Variants in SCAMP1 observed in about 807,000 individuals in gnomAD.
SCAMP1 encodes secretory carrier membrane protein 1.
Under a neutral mutation model 41.8 loss-of-function variants are expected in SCAMP1, and 15 were observed. The observed-to-expected ratio is 0.36, with a 90% confidence interval of 0.24 to 0.55. The LOEUF (loss-of-function observed/expected upper bound fraction) is 0.55. Ranked by LOEUF, SCAMP1 falls within the 20% of genes least tolerant of loss-of-function variation. SCAMP1 has a pLI of 0.86. For missense variants in SCAMP1, 341 were observed against 412.6 expected (o/e 0.83, Z 1.50); for synonymous variants, 135 against 136.8 (o/e 0.99, Z 0.09).
At chr5:78,449,670 A>G (rs1753167825) in intron 6 of SCAMP1, among the ~76,000 whole-genome samples, 1 of 152,154 alleles carries the variant, frequency 6.6e-6, no homozygotes, top group African/African-American at 2.4e-5. Context: ...GTCAAGAGGG[A>G]TTGTGGTGCA....
intron 8 of SCAMP1, among the ~76,000 whole-genome samples, chr5:78,473,496 A>G (rs1753934145): frequency 2.0e-5 from 3 of 152,138 alleles, no homozygotes; most frequent in Non-Finnish European, 4.4e-5. Context: ...TTTTAGATTC[A>G]GGGGATACAT....
At chr5:78,437,915 A>G (rs1752803181) in intron 6 of SCAMP1, among the ~76,000 whole-genome samples, 1 of 152,142 alleles carries the variant, frequency 6.6e-6, no homozygotes, top group Non-Finnish European at 1.5e-5. Context: ...CTATTCAGAG[A>G]TTGAACTTCT....
chr5:78,393,942 T>A (rs1343735358), intron 2 of SCAMP1, among the ~76,000 whole-genome samples: 2 of 152,146 alleles, frequency 1.3e-5, no homozygotes, highest in African/African-American at 4.8e-5. Flanking sequence ...TAGGGACACC[T>A]GTGTGTGGGA....
At chr5:78,421,491 C>T (rs1752338571) in intron 5 of SCAMP1, among the ~76,000 whole-genome samples, 2 of 152,140 alleles carry the variant, frequency 1.3e-5, no homozygotes, top group African/African-American at 4.8e-5. Context: ...AGAGACATCA[C>T]GTTTCCTTTT....
intron 2 of SCAMP1, among the ~76,000 whole-genome samples, chr5:78,402,035 C>G (rs966260444): frequency 1.3e-5 from 2 of 151,882 alleles, no homozygotes; most frequent in African/African-American, 4.8e-5. Context: ...TTTTTTTCCA[C>G]TTAGCTCAAA....
chr5:78,402,756 G>A (rs1351759689), intron 2 of SCAMP1, among the ~76,000 whole-genome samples: 1 of 151,920 alleles, frequency 6.6e-6, no homozygotes, highest in Non-Finnish European at 1.5e-5. Flanking sequence ...CTTTTAATTA[G>A]TGCCTTGAGA....
Position 78,362,187 on chromosome 5 carries a change from C to T in SCAMP1, c.57+1459C>T, listed in dbSNP as rs537187193. Among the ~76,000 whole-genome samples the T allele has an allele frequency of 3.4e-3, 521 of 152,132 alleles. 6 individuals are homozygous for T. The highest frequency in any genetic ancestry group is 0.012 in the African/African-American group (504 of 41,484). ...TAAATGGTAGACTTTCTAAAGAGACCGTTCATAAATTGTTAAATGGGTGTT... is the reference window on the plus strand; with the variant it reads ...TAAATGGTAGACTTTCTAAAGAGACTGTTCATAAATTGTTAAATGGGTGTT... On this transcript the variant is annotated intron_variant, in intron 1 of 8. Transcript: ENST00000621999.
In SCAMP1 at chr5:78,479,461, G is replaced by A. The variant is rs1404527253; in HGVS notation, c.*3793G>A. Among the ~76,000 whole-genome samples, 1 of 152,168 alleles carries A rather than the reference G, an allele frequency of 6.6e-6. No individual in the cohort carries two copies. On this transcript the variant is annotated 3_prime_UTR_variant, in exon 9 of 9. Coordinates refer to ENST00000621999, the MANE Select transcript of SCAMP1 (RefSeq NM_004866.6). The stretch of plus-strand genomic sequence containing the variant: ...TCACATATTAAGTATTACAGAAAGT[G>A]AAGTATTTTGGCTAGAATTTTAGGG...
In SCAMP1 at chr5:78,477,763, G is replaced by T. The variant is rs1754038397; in HGVS notation, c.*2095G>T. 6.6e-6 allele frequency: 1 copy of T among 152,122 alleles called. No homozygotes were observed. Among genetic ancestry groups the T allele is most frequent in the African/African-American group, 2.4e-5 (1 of 41,446 alleles). 9.4% of individuals were successfully genotyped at this position (152,122 alleles called of 1,614,324 possible). A position where few individuals can be genotyped will look rare whatever the true frequency, so the allele number is the denominator to read the frequency against. On this transcript the variant is annotated 3_prime_UTR_variant, in exon 9 of 9. Transcript: ENST00000621999. ...CCAGTTATTTAATATGAGTTTGAGA[G>T]AGAAAATTGTTTTTTAAAAATATAT... is the stretch of plus-strand genomic sequence containing the variant.
intron 1 of SCAMP1, among the ~76,000 whole-genome samples, chr5:78,373,537 C>A (rs1750995488): frequency 6.6e-6 from 1 of 152,072 alleles, no homozygotes; most frequent in Non-Finnish European, 1.5e-5. Flanking sequence ...ATTTACTATC[C>A]ATGTAAGACA....
intron 2 of SCAMP1, among the ~76,000 whole-genome samples, chr5:78,402,266 A>C (rs1037282092): frequency 6.6e-5 from 10 of 151,196 alleles, no homozygotes; most frequent in African/African-American, 2.4e-4. Context: ...TGAGTGTTCC[A>C]TGTGAACTTG....
At chr5:78,424,095 T>C (rs1011034198) in intron 6 of SCAMP1, among the ~76,000 whole-genome samples, 3 of 151,946 alleles carry the variant, frequency 2.0e-5, no homozygotes, top group South Asian at 2.1e-4. Context: ...CCGCCCACCT[T>C]GGCCTCTGCC....
chr5:78,387,733 G>C (rs747875385), intron 1 of SCAMP1, among the ~76,000 whole-genome samples: 2 of 152,056 alleles, frequency 1.3e-5, no homozygotes, highest in Non-Finnish European at 2.9e-5. Context: ...TTCTCTTCTG[G>C]ATCAAGCCAC....
intron 6 of SCAMP1, among the ~76,000 whole-genome samples, chr5:78,448,204 T>G (rs1174370946): frequency 1.4e-5 from 2 of 139,450 alleles, no homozygotes; most frequent in Admixed American, 7.5e-5. Context: ...TTTTTGTTTT[T>G]TTTTAAAATA....
At chr5:78,407,094 A>G (rs553371232) in intron 2 of SCAMP1, among the ~76,000 whole-genome samples, 82 of 152,100 alleles carry the variant, frequency 5.4e-4, no homozygotes, top group Non-Finnish European at 1.1e-3. Context: ...TTCCTTCTGT[A>G]TTTGGAGTTT....
chr5:78,376,204 T>G (rs771105913), intron 1 of SCAMP1, among the ~76,000 whole-genome samples: 1 of 152,202 alleles, frequency 6.6e-6, no homozygotes, highest in Admixed American at 6.5e-5. Context: ...CCGACACTTA[T>G]GAAAAATAGA....
At chr5:78,440,052 C>T (rs1488144288) in intron 6 of SCAMP1, among the ~76,000 whole-genome samples, 2 of 152,186 alleles carry the variant, frequency 1.3e-5, no homozygotes, top group Non-Finnish European at 2.9e-5. Flanking sequence ...TTTTCAGCTC[C>T]ATCAGGTCCT....
chr5:78,458,633 CCA>C (rs1753497676), intron 7 of SCAMP1, among the ~76,000 whole-genome samples: 1 of 151,906 alleles, frequency 6.6e-6, no homozygotes, highest in Admixed American at 6.6e-5. Context: ...CGCTATAATC[CCA>C]GTTTGGGAGG....
intron 1 of SCAMP1, among the ~76,000 whole-genome samples, chr5:78,384,962 T>C (rs548964821): frequency 1.3e-5 from 2 of 152,318 alleles, no homozygotes; most frequent in East Asian, 1.9e-4. Context: ...GATACTGGCT[T>C]CATAGAATGA....
Sources: gnomAD v4.1 joint callset for allele counts (sites outside exome capture counted in the v4.1 genomes callset) on GRCh38, gnomAD v4.1.1 for gene constraint, MANE v1.5 for transcripts, NCBI Gene and HGNC (gene_info 2026-07-23, HGNC 2026-07-21) for gene names.